PIK3C2G: variants seen among roughly 807,000 people sequenced by gnomAD.
PIK3C2G encodes the protein phosphatidylinositol-4-phosphate 3-kinase catalytic subunit type 2 gamma, also known as phosphatidylinositol 3-kinase C2 domain-containing subunit gamma.
A neutral mutation model predicts 181.1 loss-of-function variants in PIK3C2G; 168 were observed. The ratio of observed to expected loss-of-function variants is 0.93; its 90% CI spans 0.82 to 1.05. The LOEUF (loss-of-function observed/expected upper bound fraction) is 1.05, where lower values mean the gene tolerates loss of function less well. Ranked by LOEUF, PIK3C2G falls within the 50% of genes least tolerant of loss-of-function variation. PIK3C2G has a pLI of 0.00. For missense variants in PIK3C2G, 1,869 were observed against 1,732.8 expected, an observed-to-expected ratio of 1.08 and a Z score of -1.40; for synonymous variants, 573 against 592.2, an observed-to-expected ratio of 0.97 and a Z score of 0.47.
chr12:18,549,260 A>G (rs1177750786), intron 26 of PIK3C2G, among the ~76,000 whole-genome samples: 2 of 152,024 alleles, frequency 1.3e-5, no homozygotes. Flanking sequence ...AGTTACATCA[A>G]TTTCTCCCAA....
chr12:18,709,531 C>CT, the PIK3C2G span, among the ~76,000 whole-genome samples: 133,719 of 150,452 alleles, frequency 0.89, 59,511 homozygotes, highest in East Asian at 1. Context: ...AATTTTAGGA[C>CT]TTTTTTTTTA....
chr12:18,501,592 ACT>A (rs1166858186), intron 22 of PIK3C2G, among the ~76,000 whole-genome samples: 2 of 152,210 alleles, frequency 1.3e-5, no homozygotes, highest in African/African-American at 2.4e-5. Context: ...CACACATATT[ACT>A]CTATGTACAC....
chr12:18,455,352 A>AG (rs1180769238), intron 18 of PIK3C2G, among the ~76,000 whole-genome samples: 3 of 151,204 alleles, frequency 2.0e-5, no homozygotes, highest in African/African-American at 7.3e-5. Flanking sequence ...TGGGAAGGGG[A>AG]GGGGGGTGGC....
At chr12:18,504,237 T>A (rs182998483) in intron 23 of PIK3C2G, among the ~76,000 whole-genome samples, 61 of 152,292 alleles carry the variant, frequency 4.0e-4, no homozygotes, top group African/African-American at 1.2e-3. Flanking sequence ...CACACTTCCA[T>A]AACATTGTGT....
chr12:18,271,474 C>T (rs557042374), intron 1 of PIK3C2G, among the ~76,000 whole-genome samples: 196 of 152,190 alleles, frequency 1.3e-3, no homozygotes, highest in African/African-American at 4.5e-3. Flanking sequence ...TGTTGTTATA[C>T]ATTCAGGGCA....
intron 24 of PIK3C2G, among the ~76,000 whole-genome samples, chr12:18,517,796 C>T (rs1296230379): frequency 1.3e-5 from 2 of 152,134 alleles, no homozygotes; most frequent in Non-Finnish European, 2.9e-5. Context: ...AAGAGGGCTT[C>T]CTTATCTTGT....
chr12:18,448,287 TTATTTTA>T (rs1413854323), intron 18 of PIK3C2G, among the ~76,000 whole-genome samples: 1 of 152,196 alleles, frequency 6.6e-6, no homozygotes, highest in African/African-American at 2.4e-5. Flanking sequence ...CTGTTTGTTT[TTATTTTA>T]TATGTTTAAT....
the PIK3C2G span, among the ~76,000 whole-genome samples, chr12:18,706,643 T>C: frequency 6.6e-6 from 1 of 152,180 alleles, no homozygotes; most frequent in African/African-American, 2.4e-5. Flanking sequence ...ATTTACAATT[T>C]TTTTCTTTGT....
chr12:18,478,181 A>G (rs1369639737), intron 18 of PIK3C2G, among the ~76,000 whole-genome samples: 2 of 152,180 alleles, frequency 1.3e-5, no homozygotes. Flanking sequence ...ATTTTCAAAG[A>G]GTAAGGGAAA....
intron 11 of PIK3C2G, among the ~76,000 whole-genome samples, chr12:18,355,952 T>C (rs1043194596): frequency 2.0e-5 from 3 of 152,058 alleles, no homozygotes; most frequent in African/African-American, 2.4e-5. Flanking sequence ...AAAGGAAAAG[T>C]CTGGGGGTCT....
rs899068281 is a variant in PIK3C2G at position 18,648,216 on chromosome 12, A to C, written c.*188A>C. 2.0e-5 allele frequency: 7 copies of C among 345,780 alleles called. No homozygotes were observed. Among genetic ancestry groups the C allele is most frequent in the Middle Eastern group, 7.7e-4 (1 of 1,298 alleles). The allele number at this position is 345,780 out of a possible 1,614,324, so 21.4% of individuals were successfully genotyped here. A position where few individuals can be genotyped will look rare whatever the true frequency, so the allele number is the denominator to read the frequency against. On this transcript the variant is annotated 3_prime_UTR_variant, in exon 33 of 33. Coordinates refer to ENST00000538779, the MANE Select transcript of PIK3C2G (RefSeq NM_001288772.2). The stretch of plus-strand genomic sequence containing the variant: ...ACCTGTGCTTTCATTGTTTTTTCAT[A>C]ATCTTTTCTCCTTCAGTGGAGTACT...
At chr12:18,465,642 T>C (rs1018210776) in intron 18 of PIK3C2G, among the ~76,000 whole-genome samples, 1 of 151,888 alleles carries the variant, frequency 6.6e-6, no homozygotes, top group Non-Finnish European at 1.5e-5. Context: ...ACTTCAACTG[T>C]TGCTGTTGAG....
chr12:18,516,338 A>C (rs543602298), intron 24 of PIK3C2G, among the ~76,000 whole-genome samples: 1 of 150,832 alleles, frequency 6.6e-6, no homozygotes, highest in Non-Finnish European at 1.5e-5. Flanking sequence ...CTGCCGTGAA[A>C]CCCACTGAAA....
chr12:18,320,611 C>A (rs975329769), intron 6 of PIK3C2G, among the ~76,000 whole-genome samples: 1 of 152,204 alleles, frequency 6.6e-6, no homozygotes, highest in African/African-American at 2.4e-5. Context: ...CCATGGCACT[C>A]ATGGCCTAAA....
the PIK3C2G span, chr12:18,723,441 T>C: frequency 1.2e-5 from 19 of 1,613,080 alleles, no homozygotes; most frequent in Non-Finnish European, 1.3e-5. Flanking sequence ...TTTCAGAATA[T>C]GTGTTGAAAA....
At chr12:18,523,639 T>C (rs1943051007) in intron 24 of PIK3C2G, among the ~76,000 whole-genome samples, 1 of 152,248 alleles carries the variant, frequency 6.6e-6, no homozygotes, top group African/African-American at 2.4e-5. Context: ...AATCTGCAGT[T>C]GCCTTCAAGT....
At chr12:18,487,790 T>G (rs1041260738) in intron 18 of PIK3C2G, among the ~76,000 whole-genome samples, 1 of 152,144 alleles carries the variant, frequency 6.6e-6, no homozygotes, top group African/African-American at 2.4e-5. Flanking sequence ...TTCAAATGCA[T>G]TGCCTCATTC....
intron 6 of PIK3C2G, among the ~76,000 whole-genome samples, chr12:18,317,332 T>G (rs957696268): frequency 2.7e-5 from 4 of 148,350 alleles, no homozygotes; most frequent in Non-Finnish European, 5.9e-5. Context: ...AGTTTCAGGA[T>G]TTTTTTTTTC....
intron 24 of PIK3C2G, among the ~76,000 whole-genome samples, chr12:18,506,575 A>G (rs1941852634): frequency 6.6e-6 from 1 of 152,206 alleles, no homozygotes; most frequent in Non-Finnish European, 1.5e-5. Context: ...AGGGGCACAG[A>G]AGGTCAGAGA....
Sources: gnomAD v4.1 joint callset for allele counts (sites outside exome capture counted in the v4.1 genomes callset) on GRCh38, gnomAD v4.1.1 for gene constraint, MANE v1.5 for transcripts, NCBI Gene and HGNC (gene_info 2026-07-23, HGNC 2026-07-21) for gene names.